Variants in DST observed in about 807,000 individuals in gnomAD.
DST encodes dystonin, also known as bullous pemphigoid antigen.
Under a neutral mutation model 875.2 loss-of-function variants are expected in DST, and 253 were observed. The observed-to-expected ratio is 0.29, with a 90% CI of 0.26 to 0.32. DST has a LOEUF of 0.32. DST is among the 10% of genes least tolerant of loss of function. The pLI, the probability that DST is intolerant of heterozygous loss-of-function variation, is 1.00. For synonymous variants in DST, 3,124 were observed against 3,197.1 expected, an observed-to-expected ratio of 0.98 and a Z score of 0.77; for missense variants, 8,287 against 9,111.6, an observed-to-expected ratio of 0.91 and a Z score of 3.68.
At chr6:56,825,775 T>C (rs2099779726) in intron 4 of DST, among the ~76,000 whole-genome samples, 2 of 152,142 alleles carry the variant, frequency 1.3e-5, no homozygotes, top group African/African-American at 4.8e-5. Context: ...AACAAGATAA[T>C]GGGTACAGAA....
intron 4 of DST, among the ~76,000 whole-genome samples, chr6:56,836,247 A>C (rs1486127014): frequency 6.6e-6 from 1 of 152,184 alleles, no homozygotes; most frequent in African/African-American, 2.4e-5. Flanking sequence ...ATGACACTAA[A>C]AATATATAGT....
chr6:56,620,658 G>A (rs1175152947), intron 36 of DST: 1 of 1,614,086 alleles, frequency 6.2e-7, no homozygotes, highest in South Asian at 1.1e-5. Context: ...GTTGCCTTCT[G>A]ACGCTGAAGC....
intron 5 of DST, among the ~76,000 whole-genome samples, chr6:56,705,441 C>A (rs907572584): frequency 1.3e-5 from 2 of 152,146 alleles, no homozygotes; most frequent in Admixed American, 1.3e-4. Flanking sequence ...TATAACTACA[C>A]AAACACAAAG....
At chr6:56,931,864 A>G (rs1810452995) in intron 2 of DST, among the ~76,000 whole-genome samples, 1 of 152,156 alleles carries the variant, frequency 6.6e-6, no homozygotes, top group Non-Finnish European at 1.5e-5. Context: ...CTTGCTTTTG[A>G]TTCTACAGGC....
At chr6:56,733,290 T>A (rs1466614623) in intron 5 of DST, among the ~76,000 whole-genome samples, 1 of 152,160 alleles carries the variant, frequency 6.6e-6, no homozygotes, top group African/African-American at 2.4e-5. Flanking sequence ...CCCCAAACTG[T>A]AGCTTTTTCT....
chr6:56,932,960 TA>T (rs1811093103), intron 2 of DST, among the ~76,000 whole-genome samples: 1 of 151,398 alleles, frequency 6.6e-6, no homozygotes, highest in Non-Finnish European at 1.5e-5. Flanking sequence ...GAAGTTAAAA[TA>T]ATACAATGTT....
intron 4 of DST, among the ~76,000 whole-genome samples, chr6:56,779,829 C>T (rs1477041198): frequency 2.0e-5 from 3 of 148,710 alleles, no homozygotes; most frequent in African/African-American, 7.5e-5. Flanking sequence ...CACCCATTAA[C>T]TCGTCATTTA....
rs200882784 is a variant in DST, at chr6:56,574,645, T to TA, written c.13028-759dup. ...CTTCAATTCTAAAGATTCAAGATGC[T>TA]AAAAAAAAAAACCCTTTCTCGTCCA... On this transcript the variant is annotated intron_variant, in intron 50 of 103. Coordinates refer to ENST00000680361, the MANE Select transcript of DST (RefSeq NM_001374736.1). 3.0e-3 allele frequency among the ~76,000 whole-genome samples: 428 copies of TA among 144,782 alleles called. 6 individuals are homozygous for TA. The East Asian group carries it at 0.043, about 14-fold the overall frequency. The allele number at this position is 144,782 out of a possible 152,430, so 95.0% of individuals were successfully genotyped here.
chr6:56,890,517 G>A (rs1786880592), intron 3 of DST, among the ~76,000 whole-genome samples: 1 of 152,114 alleles, frequency 6.6e-6, no homozygotes. Flanking sequence ...GTACTGAGAG[G>A]AAATCAGGAT....
At chr6:56,650,896 A>T in intron 12 of DST, 30 bp downstream of exon 12, 1 of 1,403,938 alleles carries the variant, frequency 7.1e-7, no homozygotes, top group Non-Finnish European at 1.0e-6. Context: ...CTGAATCAAC[A>T]GCTTCCGGTG....
chr6:56,941,843 C>T (rs1199945563), intron 2 of DST, among the ~76,000 whole-genome samples: 1 of 152,174 alleles, frequency 6.6e-6, no homozygotes, highest in African/African-American at 2.4e-5. Context: ...TTGTTTAGCT[C>T]TTTACCTACG....
intron 61 of DST, among the ~76,000 whole-genome samples, chr6:56,549,356 C>T (rs1284047447): frequency 1.3e-5 from 2 of 152,148 alleles, no homozygotes; most frequent in Non-Finnish European, 2.9e-5. Context: ...TTCTGTTTCA[C>T]TTTTAGGAAT....
In DST at chr6:56,473,927, C is replaced by G; in HGVS notation, c.21940G>C (p.Asp7314His). The change falls in exon 93 of 104, where the codon GAT becomes CAT. Residue 7314 changes from aspartate (D) to histidine (H), a missense_variant. Physicochemically the swap from Asp to His is moderately conservative, Grantham distance 81. This residue lies in a region of DST where 1,292 missense variants were observed against 1,552.7 expected (regional missense o/e 0.83). Coordinates refer to ENST00000680361, the MANE Select transcript of DST (RefSeq NM_001374736.1). ...VTKTYKRRAA[D>H]PSSLQSHIPV... ...ATATGGGATTGTAATGAGGAAGGATCAGCAGCTCTCCTCTTATAGGTCTTC... is the reference window on the plus strand; with the variant it reads ...ATATGGGATTGTAATGAGGAAGGATGAGCAGCTCTCCTCTTATAGGTCTTC... The G allele has an allele frequency of 6.3e-7, 1 of 1,593,338 alleles. No homozygotes were observed. Among genetic ancestry groups the G allele is most frequent in the Non-Finnish European group, 8.6e-7 (1 of 1,168,034 alleles).
intron 9 of DST, among the ~76,000 whole-genome samples, chr6:56,691,071 T>C (rs572560065): frequency 6.6e-6 from 1 of 152,302 alleles, no homozygotes; most frequent in South Asian, 2.1e-4. Context: ...TATTTCCACA[T>C]ATATTTTCCA....
Position 56,604,548 on chromosome 6 carries a change from T to C in DST, c.10080A>G (p.Lys3360=), listed in dbSNP as rs1367087804. 6.2e-7 allele frequency: 1 copy of C among 1,612,312 alleles called. No homozygotes were observed. Among genetic ancestry groups the C allele is most frequent in the Non-Finnish European group, 8.5e-7 (1 of 1,179,076 alleles). Residue 3360 remains lysine, a synonymous_variant, in exon 40 of 104, where the codon AAA becomes AAG. Coordinates refer to ENST00000680361, the MANE Select transcript of DST (RefSeq NM_001374736.1). Reference sequence around the variant, plus strand: ...TCATATGACCTTCTTTCAACCTGCTTTTTAAGATATCCTTTACATCCTCCA... The same window carrying C: ...TCATATGACCTTCTTTCAACCTGCTCTTTAAGATATCCTTTACATCCTCCA... ...VFVEDVKDIL[K]SRLKEGHMNP...
Position 56,569,983 on chromosome 6 carries a change from T to A in DST, c.13751A>T (p.Gln4584Leu), listed in dbSNP as rs762832340. Residue 4584 changes from glutamine (Q) to leucine (L), a missense_variant, in exon 54 of 104, where the codon CAG (glutamine) becomes CTG (leucine). Transcript: ENST00000680361. Reference protein sequence around the residue: ...KKEAVTSCQEQLDAFQVLVKS... With the variant: ...KKEAVTSCQELLDAFQVLVKS... ...AACAAGAACTTGGAAAGCATCCAAC[T>A]GTTCTTGACAAGAAGTTACAGCTTC... The A allele has an allele frequency of 6.3e-7, 1 of 1,596,488 alleles. No homozygotes were observed. Among genetic ancestry groups the A allele is most frequent in the South Asian group, 1.2e-5 (1 of 85,880 alleles).
At position 56,476,347 on chromosome 6, in the gene DST, A is replaced by G. The variant is rs1244329025; in HGVS notation, c.21676-10T>C. The G allele has an allele frequency of 6.5e-7, 1 of 1,539,454 alleles. No individual in the cohort carries two copies. Among genetic ancestry groups the G allele is most frequent in the Admixed American group, 2.2e-5 (1 of 45,174 alleles). The stretch of plus-strand genomic sequence containing the variant: ...TTGCCCAGGCCAGCACCTGTCAGAG[A>G]AACAGAAATTTCTCTGAATTTCCTC... On this transcript the variant is annotated splice_polypyrimidine_tract_variant and intron_variant, in intron 91 of 103. Transcript: ENST00000680361.
At chr6:56,893,306 A>G (rs991485136) in intron 3 of DST, among the ~76,000 whole-genome samples, 2 of 152,164 alleles carry the variant, frequency 1.3e-5, no homozygotes, top group Non-Finnish European at 2.9e-5. Flanking sequence ...CTCCAATCTC[A>G]TCCAGGTCAC....
At chr6:56,633,103 A>G in intron 27 of DST, 66 bp from the exon 28 acceptor site, 1 of 1,335,792 alleles carries the variant, frequency 7.5e-7, no homozygotes, top group Non-Finnish European at 1.1e-6. Flanking sequence ...GAGACACTTC[A>G]AACTGGTCGT....
Sources: gnomAD v4.1 joint callset for allele counts (sites outside exome capture counted in the v4.1 genomes callset) on GRCh38, gnomAD v4.1.1 for gene constraint, gnomAD v4.1.1 regional missense constraint, MANE v1.5 for transcripts, NCBI Gene and HGNC (gene_info 2026-07-23, HGNC 2026-07-21) for gene names.